MTMR6: variants seen among roughly 807,000 people sequenced by gnomAD.
MTMR6 encodes the protein phosphatidylinositol-3,5-bisphosphate 3-phosphatase MTMR6.
A neutral mutation model predicts 80.1 loss-of-function variants in MTMR6; 47 were observed. The observed-to-expected ratio is 0.59, with a 90% confidence interval of 0.46 to 0.75. MTMR6 has a LOEUF of 0.75. Among genes scored for constraint, MTMR6 ranks in the 30% least tolerant of loss-of-function variants. The pLI, the probability that MTMR6 is intolerant of heterozygous loss-of-function variation, is 0.00. For synonymous variants in MTMR6, 254 were observed against 253.0 expected (o/e 1.00, Z -0.04); for missense variants, 629 against 730.9 (o/e 0.86, Z 1.61).
Position 25,287,249 on chromosome 13 carries a change from G to T in MTMR6, c.-2C>A. 6.3e-7 allele frequency: 1 copy of T among 1,593,964 alleles called. No homozygotes were observed. ...CTTGGTCGTCCGGATATGCTCCATC[G>T]CAAGGAGACGTCAGCCGGCAGCCGG... On this transcript the variant is annotated 5_prime_UTR_variant, in exon 1 of 14. Coordinates refer to ENST00000381801, the MANE Select transcript of MTMR6 (RefSeq NM_004685.5).
intron 3 of MTMR6, 112 bp from the exon 4 acceptor site, chr13:25,266,398 G>A: frequency 1.1e-6 from 1 of 893,000 alleles, no homozygotes; most frequent in South Asian, 1.8e-5. Context: ...AATCTTCAAA[G>A]AGATGGCTAA....
chr13:25,269,624 T>C (rs1348214359), intron 2 of MTMR6, among the ~76,000 whole-genome samples: 1 of 152,032 alleles, frequency 6.6e-6, no homozygotes, highest in East Asian at 1.9e-4. Context: ...CTTTGTTTTG[T>C]AGTGAGGGAT....
chr13:25,263,772 G>A (rs1957391577), intron 5 of MTMR6, among the ~76,000 whole-genome samples: 1 of 152,178 alleles, frequency 6.6e-6, no homozygotes. Flanking sequence ...TGTAATCCCA[G>A]CTACTTGGGA....
intron 5 of MTMR6, among the ~76,000 whole-genome samples, chr13:25,264,662 G>C (rs1005546266): frequency 6.6e-6 from 1 of 150,704 alleles, no homozygotes; most frequent in African/African-American, 2.5e-5. Context: ...GGCTGGGGCA[G>C]GAGAATCGCT....
intron 2 of MTMR6, among the ~76,000 whole-genome samples, chr13:25,268,874 G>A (rs952699241): frequency 2.6e-5 from 4 of 152,154 alleles, no homozygotes; most frequent in Admixed American, 1.3e-4. Context: ...GTGCTCTTGG[G>A]GGCCTAGGAA....
At chr13:25,281,709 G>C (rs1957850841) in intron 1 of MTMR6, among the ~76,000 whole-genome samples, 1 of 152,108 alleles carries the variant, frequency 6.6e-6, no homozygotes, top group African/African-American at 2.4e-5. Flanking sequence ...CACTCATCTA[G>C]GACTCTCAGA....
At chr13:25,261,146 A>G (rs1957327043) in intron 6 of MTMR6, among the ~76,000 whole-genome samples, 1 of 151,526 alleles carries the variant, frequency 6.6e-6, no homozygotes, top group African/African-American at 2.4e-5. Flanking sequence ...CATCTCTACT[A>G]AAAATACAAA....
chr13:25,287,479 G>A lies in MTMR6; in HGVS notation c.-232C>T, dbSNP rs1254228742. On this transcript the variant is annotated 5_prime_UTR_variant, in exon 1 of 14. Coordinates refer to ENST00000381801, the MANE Select transcript of MTMR6 (RefSeq NM_004685.5). ...CCGGGGGACTCGGGGCAGGCAGACA[G>A]AGCGTGTGTGGACCGAGAGCGGCTT... 6.9e-6 allele frequency: 4 copies of A among 583,420 alleles called. No homozygotes were observed. The highest frequency in any genetic ancestry group is 1.2e-5 in the Non-Finnish European group (4 of 324,952). 36.1% of individuals were successfully genotyped at this position (583,420 alleles called of 1,614,324 possible). A position where few individuals can be genotyped will look rare whatever the true frequency, so the allele number is the denominator to read the frequency against.
At chr13:25,260,451 T>C in intron 6 of MTMR6, 1 of 456,636 alleles carries the variant, frequency 2.2e-6, no homozygotes, top group South Asian at 2.4e-5. Flanking sequence ...CTCAAATTAA[T>C]CTCTTCTTCT....
intron 1 of MTMR6, among the ~76,000 whole-genome samples, chr13:25,284,250 C>T (rs1169986671): frequency 2.0e-5 from 3 of 152,110 alleles, no homozygotes; most frequent in Non-Finnish European, 4.4e-5. Flanking sequence ...AAAGAGCATA[C>T]ATAGTCTTTG....
chr13:25,280,209 A>T (rs556914308), intron 1 of MTMR6, among the ~76,000 whole-genome samples: 3 of 152,360 alleles, frequency 2.0e-5, no homozygotes, highest in African/African-American at 7.2e-5. Flanking sequence ...TCTGAAAGGA[A>T]TGTCTTTAAT....
At chr13:25,267,010 G>A (rs1957471872) in intron 3 of MTMR6, among the ~76,000 whole-genome samples, 1 of 152,144 alleles carries the variant, frequency 6.6e-6, no homozygotes, top group African/African-American at 2.4e-5. Flanking sequence ...AACACTTTGG[G>A]AGGCCGAGGA....
intron 1 of MTMR6, among the ~76,000 whole-genome samples, chr13:25,276,918 C>G (rs1423541100): frequency 6.6e-6 from 1 of 152,166 alleles, no homozygotes; most frequent in East Asian, 1.9e-4. Context: ...GAAACTGGGA[C>G]TTGGTGAGGT....
In MTMR6 at chr13:25,251,681, G is replaced by T. The variant is rs1209610157; in HGVS notation, c.1573C>A (p.Gln525Lys). 2 of 1,531,592 alleles carry T rather than the reference G, an allele frequency of 1.3e-6. No homozygotes were observed. Among genetic ancestry groups the T allele is most frequent in the East Asian group, 2.3e-5 (1 of 44,192 alleles). The allele number at this position is 1,531,592 out of a possible 1,614,324, so 94.9% of individuals were successfully genotyped here. Residue 525 changes from glutamine to lysine, a missense_variant, in exon 13 of 14, where the codon CAA (glutamine) becomes AAA (lysine). Physicochemically the swap from Gln to Lys is moderately conservative, Grantham distance 53. Coordinates refer to ENST00000381801, the MANE Select transcript of MTMR6 (RefSeq NM_004685.5). This position sits in a 1 kb window ranked among gnomAD's most constrained non-coding sequence, Gnocchi z 4.1. ...IIMNMNEQNK[Q>K]LEKDIKDLES... ...AGGTCTTTAATATCTTTCTCTAATT[G>T]TTTATTTTGCTCATTCATATTCATA...
Position 25,265,851 on chromosome 13 carries a change from G to A in MTMR6, c.559C>T (p.Pro187Ser), listed in dbSNP as rs1179751603. Reference sequence around the variant, plus strand: ...TCTTGATGATAGTAGGAAAGAACTGGGAATCTTCCCTTGCTCCGGAACTTG... The same window carrying A: ...TCTTGATGATAGTAGGAAAGAACTGAGAATCTTCCCTTGCTCCGGAACTTG... ...SSKFRSKGRFPVLSYYHQDKE... is the reference protein window; with the variant it reads ...SSKFRSKGRFSVLSYYHQDKE... Residue 187 changes from proline to serine, a missense_variant, in exon 5 of 14, where the codon CCA (proline) becomes TCA (serine). Coordinates refer to ENST00000381801, the MANE Select transcript of MTMR6 (RefSeq NM_004685.5). The A allele has an allele frequency of 1.2e-6, 2 of 1,613,870 alleles. No individual in the cohort carries two copies. Among genetic ancestry groups the A allele is most frequent in the African/African-American group, 1.3e-5 (1 of 74,984 alleles).
chr13:25,252,601 C>T (rs1269079735), intron 11 of MTMR6, among the ~76,000 whole-genome samples: 1 of 152,150 alleles, frequency 6.6e-6, no homozygotes, highest in Non-Finnish European at 1.5e-5. Flanking sequence ...TTCCATAACT[C>T]CTAAGATGAC....
In MTMR6 at chr13:25,251,629, A is replaced by C. The variant is rs1288650060; in HGVS notation, c.1605+20T>G. On this transcript the variant is annotated intron_variant, in intron 13 of 13. Transcript: ENST00000381801. This position sits in a 1 kb window ranked among gnomAD's most constrained non-coding sequence, Gnocchi z 4.1. ...ACTAATTTCACATTCCAAATATATT[A>C]GATACTTCAGAATACTTACAGATTC... 1 of 1,448,970 alleles carries C rather than the reference A, an allele frequency of 6.9e-7. No individual in the cohort carries two copies. 89.8% of individuals were successfully genotyped at this position (1,448,970 alleles called of 1,614,324 possible). A position where few individuals can be genotyped will look rare whatever the true frequency, so the allele number is the denominator to read the frequency against.
intron 7 of MTMR6, 51 bp downstream of exon 7, chr13:25,258,509 C>T: frequency 1.4e-6 from 2 of 1,476,442 alleles, no homozygotes; most frequent in African/African-American, 1.5e-5. Flanking sequence ...ATGTGACTAG[C>T]ATTAGATTTC....
chr13:25,268,878 C>T (rs1957510066), intron 2 of MTMR6, among the ~76,000 whole-genome samples: 1 of 152,150 alleles, frequency 6.6e-6, no homozygotes, highest in South Asian at 2.1e-4. Context: ...TCTTGGGGGC[C>T]TAGGAAACCC....
Sources: gnomAD v4.1 joint callset for allele counts (sites outside exome capture counted in the v4.1 genomes callset) on GRCh38, gnomAD v4.1.1 for gene constraint, Gnocchi (gnomAD v3.1) non-coding constraint, MANE v1.5 for transcripts, NCBI Gene and HGNC (gene_info 2026-07-23, HGNC 2026-07-21) for gene names.